The following CAPN2 variants were observed in gnomAD, a reference collection of about 807,000 sequenced individuals.
CAPN2 encodes the protein calpain 2, also known as calpain-2 catalytic subunit.
Under a neutral mutation model 102.3 loss-of-function variants are expected in CAPN2, and 92 were observed. That is an observed-to-expected ratio of 0.90 (90% CI 0.76 to 1.07). The LOEUF is 1.07. Ranked by LOEUF, CAPN2 falls within the 50% of genes least tolerant of loss-of-function variation. CAPN2 has a pLI of 0.00. For synonymous variants in CAPN2, 340 were observed against 355.4 expected, an observed-to-expected ratio of 0.96 and a Z score of 0.49; for missense variants, 800 against 909.4, an observed-to-expected ratio of 0.88 and a Z score of 1.55.
At chr1:223,735,455 GA>G (rs1660430816) in intron 2 of CAPN2, among the ~76,000 whole-genome samples, 2 of 151,782 alleles carry the variant, frequency 1.3e-5, no homozygotes, top group South Asian at 4.2e-4. Context: ...TTGAACCCAG[GA>G]AGCAGAGGTT....
upstream of CAPN2, among the ~76,000 whole-genome samples, chr1:223,711,235 C>T (rs1380518706): frequency 6.6e-6 from 1 of 152,190 alleles, no homozygotes; most frequent in East Asian, 1.9e-4. Context: ...GTAGACCATG[C>T]ACAGTTTTCC....
chr1:223,708,798 A>G (rs558423255), upstream of CAPN2, among the ~76,000 whole-genome samples: 81 of 149,724 alleles, frequency 5.4e-4, 1 homozygote, highest in East Asian at 0.012. Flanking sequence ...GAGAGAGAGA[A>G]AGAGAGAAGG....
At position 223,766,449 on chromosome 1, in the gene CAPN2, C is replaced by T; in HGVS notation, c.1755+18C>T. 1 of 1,584,874 alleles carries T rather than the reference C, an allele frequency of 6.3e-7. No individual in the cohort carries two copies. The highest frequency in any genetic ancestry group is 8.7e-7 in the Non-Finnish European group (1 of 1,153,512). ...TGCTAGATGTATCCTTTAATGTGCT[C>T]CAGGGAATAGAGACTGGGGGAGTTT... On this transcript the variant is annotated intron_variant, in intron 16 of 20. Transcript: ENST00000295006.
Position 223,717,851 on chromosome 1 carries a change from C to T in CAPN2, c.307+20C>T, listed in dbSNP as rs781160547. ...CCCTGGGTAAGTGATAGATTCAGAG[C>T]AAGCTGGGGGATCTTGTCTGTAAGG... On this transcript the variant is annotated intron_variant, in intron 2 of 20. Coordinates refer to ENST00000295006, the MANE Select transcript of CAPN2 (RefSeq NM_001748.5). The T allele has an allele frequency of 1.1e-5, 17 of 1,591,156 alleles. No homozygotes were observed. Among genetic ancestry groups the T allele is most frequent in the Non-Finnish European group, 1.5e-5 (17 of 1,159,026 alleles).
At chr1:223,711,848 C>T (rs1288032413), upstream of CAPN2, among the ~76,000 whole-genome samples, 1 of 152,144 alleles carries the variant, frequency 6.6e-6, no homozygotes, top group Non-Finnish European at 1.5e-5. Context: ...CGCCTGCCTC[C>T]GGCCTCCCAA....
rs752194963 is a variant in CAPN2 at position 223,712,849 on chromosome 1, C to T, written c.209C>T (p.Thr70Ile). Residue 70 changes from threonine (T) to isoleucine (I), a missense_variant, in exon 1 of 21, where the codon ACC becomes ATC. By Grantham distance (89) the Thr-to-Ile change is moderately conservative. Transcript: ENST00000295006. Reference sequence around the variant, plus strand: ...GAGTTGGGGCCCTACTCCAGCAAAACCCGGGGCATCGAGTGGAAGCGCCCC... The same window carrying T: ...GAGTTGGGGCCCTACTCCAGCAAAATCCGGGGCATCGAGTGGAAGCGCCCC... ...FKELGPYSSK[T>I]RGIEWKRPTE... is the part of the protein sequence containing the mutation. 1 of 1,552,794 alleles carries T rather than the reference C, an allele frequency of 6.4e-7. No individual in the cohort carries two copies. The highest frequency in any genetic ancestry group is 1.2e-5 in the South Asian group (1 of 83,228).
chr1:223,733,009 G>A (rs1470543475), intron 2 of CAPN2, among the ~76,000 whole-genome samples: 1 of 152,160 alleles, frequency 6.6e-6, no homozygotes, highest in Admixed American at 6.5e-5. Flanking sequence ...ATTTCCTGGG[G>A]GTTGCTCTGG....
In CAPN2 at chr1:223,731,453, C is replaced by A. The variant is rs1374370382; in HGVS notation, c.308-12647C>A. Among the ~76,000 whole-genome samples the A allele has an allele frequency of 1.3e-5, 2 of 152,094 alleles. No homozygotes were observed. ...GCCCCTGCTCTTCCTCACCCAGCTCCCCGCTCTAAGCCTTCCTCGCCCACC... is the reference window on the plus strand; with the variant it reads ...GCCCCTGCTCTTCCTCACCCAGCTCACCGCTCTAAGCCTTCCTCGCCCACC... On this transcript the variant is annotated intron_variant, in intron 2 of 20. Coordinates refer to ENST00000295006, the MANE Select transcript of CAPN2 (RefSeq NM_001748.5). The surrounding 1 kb of genome is among the most constrained non-coding windows in gnomAD (Gnocchi z 4.2).
intron 16 of CAPN2, among the ~76,000 whole-genome samples, chr1:223,769,066 G>C (rs1661404455): frequency 6.6e-6 from 1 of 152,102 alleles, no homozygotes; most frequent in South Asian, 2.1e-4. Flanking sequence ...AGTGAGAAGT[G>C]GTGGTAAGGG....
intron 20 of CAPN2, chr1:223,772,589 C>G: frequency 4.2e-6 from 1 of 237,008 alleles, no homozygotes; most frequent in South Asian, 1.5e-4. Context: ...AATCCTTCAG[C>G]TGAAATTCAA....
upstream of CAPN2, among the ~76,000 whole-genome samples, chr1:223,708,010 A>G (rs1440201956): frequency 2.6e-5 from 4 of 152,238 alleles, no homozygotes; most frequent in Non-Finnish European, 1.5e-5. Context: ...GGTGGGGCCA[A>G]TGGAAATCAG....
intron 1 of CAPN2, among the ~76,000 whole-genome samples, chr1:223,713,659 TACCACGCCTAGGAA>T (rs1659799809): frequency 6.6e-6 from 1 of 152,146 alleles, no homozygotes; most frequent in South Asian, 2.1e-4. Flanking sequence ...AGGCTTCCCC[TACCACGCCTAGGAA>T]AGCCTGCCCT....
intron 2 of CAPN2, among the ~76,000 whole-genome samples, chr1:223,721,630 C>T (rs1660053370): frequency 6.6e-6 from 1 of 152,196 alleles, no homozygotes; most frequent in African/African-American, 2.4e-5. Context: ...ACATGGACCC[C>T]CAGAGCACCC....
At chr1:223,722,502 G>T (rs1660079247) in intron 2 of CAPN2, among the ~76,000 whole-genome samples, 1 of 151,238 alleles carries the variant, frequency 6.6e-6, no homozygotes, top group South Asian at 2.1e-4. Flanking sequence ...TGTTGCCCAG[G>T]CTGGTCTCAA....
intron 1 of CAPN2, among the ~76,000 whole-genome samples, chr1:223,715,310 A>G (rs28370013): frequency 0.11 from 16,527 of 152,036 alleles, 1,530 homozygotes; most frequent in African/African-American, 0.23. Context: ...TTTAAGAAGG[A>G]CCCCCGGGAA....
Position 223,774,961 on chromosome 1 carries a change from C to A in CAPN2, c.*104C>A. On this transcript the variant is annotated 3_prime_UTR_variant, in exon 21 of 21. Coordinates refer to ENST00000295006, the MANE Select transcript of CAPN2 (RefSeq NM_001748.5). Reference sequence around the variant, plus strand: ...TATCTGGACCTCAAAATTATGGGAACATTTACTTAAACGGATGATCATAGC... The same window carrying A: ...TATCTGGACCTCAAAATTATGGGAAAATTTACTTAAACGGATGATCATAGC... 1.1e-6 allele frequency: 1 copy of A among 935,842 alleles called. No homozygotes were observed. The highest frequency in any genetic ancestry group is 1.7e-6 in the Non-Finnish European group (1 of 585,214). 58.0% of individuals were successfully genotyped at this position (935,842 alleles called of 1,614,324 possible). A position where few individuals can be genotyped will look rare whatever the true frequency, so the allele number is the denominator to read the frequency against.
intron 1 of CAPN2, among the ~76,000 whole-genome samples, chr1:223,706,713 G>A (rs1031994260): frequency 3.3e-5 from 5 of 152,108 alleles, no homozygotes; most frequent in Non-Finnish European, 5.9e-5. Context: ...TGTGTAAAGT[G>A]CACAAATATG....
intron 15 of CAPN2, 88 bp downstream of exon 15, chr1:223,764,295 G>A: frequency 5.1e-6 from 6 of 1,174,452 alleles, no homozygotes; most frequent in Non-Finnish European, 7.7e-6. Context: ...TCCATGTCTG[G>A]CTGCTGTGAC....
intron 2 of CAPN2, among the ~76,000 whole-genome samples, chr1:223,721,444 G>A (rs781470731): frequency 6.6e-6 from 1 of 152,202 alleles, no homozygotes; most frequent in Non-Finnish European, 1.5e-5. Context: ...GCTCACGGAT[G>A]AAGGCAGCTA....
Sources: gnomAD v4.1 joint callset for allele counts (sites outside exome capture counted in the v4.1 genomes callset) on GRCh38, gnomAD v4.1.1 for gene constraint, Gnocchi (gnomAD v3.1) non-coding constraint, MANE v1.5 for transcripts, NCBI Gene and HGNC (gene_info 2026-07-23, HGNC 2026-07-21) for gene names.